Variants in PIEZO1 observed in about 807,000 individuals in gnomAD.
PIEZO1 encodes the protein piezo type mechanosensitive ion channel component 1 (Er blood group).
In PIEZO1, 296 loss-of-function variants were observed where a neutral mutation model predicts 297.2. The ratio of observed to expected loss-of-function variants is 1.00; its 90% CI spans 0.91 to 1.10. The LOEUF (loss-of-function observed/expected upper bound fraction) is 1.10, where lower values mean the gene tolerates loss of function less well. Ranked by LOEUF, PIEZO1 falls within the 50% of genes least tolerant of loss-of-function variation. PIEZO1 has a pLI of 0.00. For synonymous variants in PIEZO1, 2,427 were observed against 1,507.5 expected (o/e 1.61, Z -14.13); for missense variants, 5,018 against 3,455.5 (o/e 1.45, Z -11.34).
intron 1 of PIEZO1, among the ~76,000 whole-genome samples, chr16:88,752,008 G>A (rs1036098454): frequency 1.4e-4 from 21 of 152,358 alleles, no homozygotes; most frequent in African/African-American, 1.2e-4. Flanking sequence ...AGTCAGAAGC[G>A]TAGGTCCTGG....
At chr16:88,757,511 A>G (rs1906734467) in intron 1 of PIEZO1, among the ~76,000 whole-genome samples, 1 of 139,830 alleles carries the variant, frequency 7.2e-6, no homozygotes, top group African/African-American at 2.7e-5. Context: ...GCTGGGGGCC[A>G]AGACGGGGGA....
intron 45 of PIEZO1, 49 bp from the exon 46 acceptor site, chr16:88,716,947 C>T (rs1279961124): frequency 5.8e-6 from 9 of 1,545,386 alleles, no homozygotes; most frequent in East Asian, 2.4e-5. Context: ...CGTGGAGGAG[C>T]GGCTGGGGGT....
intron 1 of PIEZO1, among the ~76,000 whole-genome samples, chr16:88,755,595 G>C (rs1199905854): frequency 6.6e-6 from 1 of 152,246 alleles, no homozygotes; most frequent in Non-Finnish European, 1.5e-5. Flanking sequence ...CCAGTAAATA[G>C]GCGGGTACCA....
chr16:88,715,896 C>T lies in PIEZO1; in HGVS notation c.7316+37G>A, dbSNP rs896159627. The T allele has an allele frequency of 1.9e-6, 3 of 1,539,042 alleles. No homozygotes were observed. The African/African-American group carries it at 4.2e-5, about 21-fold the overall frequency. On this transcript the variant is annotated intron_variant, in intron 50 of 50. Transcript: ENST00000301015. Reference sequence around the variant, plus strand: ...TGAGTCCTGGGGCCGCCCGGAGCCCCCCGAGCTGCGGGGTGCCCCCCCAGC... The same window carrying T: ...TGAGTCCTGGGGCCGCCCGGAGCCCTCCGAGCTGCGGGGTGCCCCCCCAGC...
rs1208289716 is a variant in PIEZO1, at chr16:88,726,855, G to A, written c.3559C>T (p.Leu1187=). The change falls in exon 25 of 51, where the codon CTG becomes TTG. Residue 1187 remains leucine (L), a synonymous_variant. Transcript: ENST00000301015. ...TAGAAGCAGGCCAGCAGGTAGCCCA[G>A]CCCGAAGATGCTGATGCGGGTGGCC... is the stretch of plus-strand genomic sequence containing the variant. The part of the protein sequence containing the change: ...TGATRISIFG[L]GYLLACFYLL... The A allele has an allele frequency of 3.6e-5, 56 of 1,550,298 alleles. No individual in the cohort carries two copies. The highest frequency in any genetic ancestry group is 4.9e-5 in the Non-Finnish European group (56 of 1,146,946).
intron 1 of PIEZO1, among the ~76,000 whole-genome samples, chr16:88,751,454 G>A (rs946620211): frequency 5.3e-5 from 8 of 152,302 alleles, no homozygotes; most frequent in Middle Eastern, 3.4e-3. Context: ...CGCGCTCGGC[G>A]CTGCTACGGG....
intron 1 of PIEZO1, among the ~76,000 whole-genome samples, chr16:88,759,188 C>T (rs993389446): frequency 3.9e-5 from 6 of 152,362 alleles, no homozygotes; most frequent in African/African-American, 1.4e-4. Flanking sequence ...GAAACAGAAG[C>T]TGGGAAGGAC....
At chr16:88,756,897 A>T (rs994997563) in intron 1 of PIEZO1, among the ~76,000 whole-genome samples, 5 of 151,918 alleles carry the variant, frequency 3.3e-5, no homozygotes, top group African/African-American at 1.2e-4. Context: ...CAACATGGTG[A>T]AACCCTGTCT....
At chr16:88,727,406 G>A (rs766831510) in intron 23 of PIEZO1, 151 bp downstream of exon 23, 24 of 647,900 alleles carry the variant, frequency 3.7e-5, no homozygotes, top group South Asian at 5.8e-5. Flanking sequence ...AGGTCTGCGT[G>A]CGTGCGTGCG....
chr16:88,752,156 G>A (rs969371010), intron 1 of PIEZO1, among the ~76,000 whole-genome samples: 1 of 152,210 alleles, frequency 6.6e-6, no homozygotes, highest in African/African-American at 2.4e-5. Flanking sequence ...CATGCTTACC[G>A]CTGCTGACCT....
intron 2 of PIEZO1, 41 bp downstream of exon 2, chr16:88,749,343 C>G: frequency 7.5e-7 from 1 of 1,328,672 alleles, no homozygotes; most frequent in Non-Finnish European, 9.9e-7. Context: ...ATGCCCACCC[C>G]CTCCCACCCT....
chr16:88,742,135 C>A, intron 3 of PIEZO1, 40 bp from the exon 4 acceptor site: 1 of 1,534,272 alleles, frequency 6.5e-7, no homozygotes, highest in Non-Finnish European at 8.7e-7. Context: ...AGGCTCTGCC[C>A]AGCCAGCACC....
intron 1 of PIEZO1, among the ~76,000 whole-genome samples, chr16:88,762,918 G>A (rs1292357099): frequency 1.3e-5 from 2 of 152,144 alleles, no homozygotes; most frequent in East Asian, 3.8e-4. Flanking sequence ...TCCCCAATAC[G>A]CCCGAGCCCC....
intron 10 of PIEZO1, chr16:88,737,232 A>C: frequency 3.6e-6 from 1 of 277,130 alleles, no homozygotes. Context: ...AGCAGCTCCC[A>C]GAGCTAACAG....
intron 34 of PIEZO1, 67 bp from the exon 35 acceptor site, chr16:88,722,756 T>C: frequency 6.5e-7 from 1 of 1,527,696 alleles, no homozygotes; most frequent in Non-Finnish European, 8.8e-7. Context: ...TTTCGTGCAG[T>C]GGGCGCGGGA....
chr16:88,758,213 G>A (rs1050604548), intron 1 of PIEZO1, among the ~76,000 whole-genome samples: 1 of 152,100 alleles, frequency 6.6e-6, no homozygotes, highest in African/African-American at 2.4e-5. Context: ...AGCCCTCTCA[G>A]CCCAAGTCCT....
intron 10 of PIEZO1, chr16:88,737,014 A>G (rs1597460623): frequency 2.8e-6 from 1 of 353,872 alleles, no homozygotes; most frequent in Non-Finnish European, 5.2e-6. Flanking sequence ...GCGCACCTGA[A>G]GACTCTCAGG....
In PIEZO1 at chr16:88,720,048, C is replaced by T. The variant is rs1462394196; in HGVS notation, c.6164+21G>A. The T allele has an allele frequency of 2.1e-5, 33 of 1,549,306 alleles. No homozygotes were observed. In the Middle Eastern group the frequency reaches 8.3e-4, roughly 39 times the overall value. On this transcript the variant is annotated intron_variant, in intron 42 of 50. Coordinates refer to ENST00000301015, the MANE Select transcript of PIEZO1 (RefSeq NM_001142864.4). ...CACTGCCCCGCCCCTGGAGACCGAG[C>T]GCCCCCACGCGTGGGCCCACCTCTC... is the stretch of plus-strand genomic sequence containing the variant.
In PIEZO1 at chr16:88,715,587, G is replaced by C. The variant is rs545941884; in HGVS notation, c.*18C>G. 3.9e-6 allele frequency: 6 copies of C among 1,545,726 alleles called. No homozygotes were observed. The highest frequency in any genetic ancestry group is 4.9e-5 in the East Asian group (2 of 40,878). ...CCAGCAGGCCGGCTCCTTCCCTCTC[G>C]GGCGCCAGCAGCAGCTCCTACTCCT... is the stretch of plus-strand genomic sequence containing the variant. On this transcript the variant is annotated 3_prime_UTR_variant, in exon 51 of 51. Coordinates refer to ENST00000301015, the MANE Select transcript of PIEZO1 (RefSeq NM_001142864.4).
Sources: allele counts gnomAD v4.1 joint callset (sites outside exome capture counted in the v4.1 genomes callset), GRCh38; gene constraint gnomAD v4.1.1; transcripts MANE v1.5; gene names NCBI Gene and HGNC (gene_info 2026-07-23, HGNC 2026-07-21).